Variants in LRP1B observed in about 807,000 individuals in gnomAD.
LRP1B encodes the protein LDL receptor related protein 1B.
In LRP1B, 217 loss-of-function variants were observed where a neutral mutation model predicts 556.6. The ratio of observed to expected loss-of-function variants is 0.39; its 90% CI spans 0.35 to 0.44. LRP1B has a LOEUF of 0.44. Ranked by LOEUF, LRP1B falls within the 20% of genes least tolerant of loss-of-function variation. LRP1B has a pLI of 1.00. For missense variants in LRP1B, 5,053 were observed against 5,620.8 expected, an observed-to-expected ratio of 0.90 and a Z score of 3.23; for synonymous variants, 2,047 against 1,865.8, an observed-to-expected ratio of 1.10 and a Z score of -2.50.
At chr2:141,037,320 T>C (rs1227105590) in intron 11 of LRP1B, among the ~76,000 whole-genome samples, 3 of 151,996 alleles carry the variant, frequency 2.0e-5, no homozygotes, top group Admixed American at 2.0e-4. Flanking sequence ...AAACTGACAA[T>C]AAATATGCTT....
chr2:141,082,681 G>GTC (rs1574055705), intron 7 of LRP1B, among the ~76,000 whole-genome samples: 1 of 152,302 alleles, frequency 6.6e-6, no homozygotes, highest in East Asian at 1.9e-4. Flanking sequence ...TCCATGATCA[G>GTC]GTGTGGCAGT....
chr2:140,298,994 A>G (rs1050839415), intron 83 of LRP1B, among the ~76,000 whole-genome samples: 1 of 152,242 alleles, frequency 6.6e-6, no homozygotes, highest in East Asian at 1.9e-4. Context: ...GACTCAGACA[A>G]TATCACTCAG....
At chr2:141,975,790 A>G (rs537384123) in intron 1 of LRP1B, among the ~76,000 whole-genome samples, 1 of 152,250 alleles carries the variant, frequency 6.6e-6, no homozygotes, top group African/African-American at 2.4e-5. Flanking sequence ...GCATTAAACA[A>G]TCTCTGAAGC....
intron 41 of LRP1B, among the ~76,000 whole-genome samples, chr2:140,613,393 A>C: frequency 7.7e-6 from 1 of 130,126 alleles, no homozygotes; most frequent in East Asian, 2.2e-4. Context: ...ATATACATAT[A>C]AATATAAATA....
chr2:142,127,146 T>TA (rs1419119104), intron 1 of LRP1B, among the ~76,000 whole-genome samples: 2 of 151,978 alleles, frequency 1.3e-5, no homozygotes, highest in African/African-American at 2.4e-5. Flanking sequence ...GCACAGTTAA[T>TA]ATTTAATTTT....
At chr2:141,636,091 G>T (rs908940687) in intron 2 of LRP1B, among the ~76,000 whole-genome samples, 11 of 152,002 alleles carry the variant, frequency 7.2e-5, no homozygotes, top group African/African-American at 2.2e-4. Flanking sequence ...ACTATTCTGG[G>T]TACTGGGGAC....
chr2:141,889,687 CATTA>C (rs977650869), intron 1 of LRP1B, among the ~76,000 whole-genome samples: 1 of 152,116 alleles, frequency 6.6e-6, no homozygotes, highest in African/African-American at 2.4e-5. Flanking sequence ...GTCCCATGAA[CATTA>C]ATTATTTGCC....
chr2:140,899,368 C>G (rs1694038831), intron 23 of LRP1B, among the ~76,000 whole-genome samples: 1 of 152,030 alleles, frequency 6.6e-6, no homozygotes, highest in Non-Finnish European at 1.5e-5. Context: ...CAAGGTTGGT[C>G]TTCAAAATCA....
intron 2 of LRP1B, among the ~76,000 whole-genome samples, chr2:141,494,576 T>G (rs1683449060): frequency 6.6e-6 from 1 of 151,686 alleles, no homozygotes; most frequent in African/African-American, 2.4e-5. Flanking sequence ...TAATAGCACC[T>G]TGATTTTCTT....
At chr2:142,065,892 T>A (rs1324672758) in intron 1 of LRP1B, among the ~76,000 whole-genome samples, 3 of 151,394 alleles carry the variant, frequency 2.0e-5, no homozygotes, top group Non-Finnish European at 4.4e-5. Flanking sequence ...TCTAAATTAG[T>A]ACAAGTGAGA....
chr2:140,707,175 T>C (rs1475779918), intron 37 of LRP1B, among the ~76,000 whole-genome samples: 1 of 152,266 alleles, frequency 6.6e-6, no homozygotes, highest in East Asian at 1.9e-4. Context: ...GTGCCATTTC[T>C]TCCTACTTTT....
At chr2:140,762,128 A>G (rs536782840) in intron 35 of LRP1B, among the ~76,000 whole-genome samples, 3 of 152,184 alleles carry the variant, frequency 2.0e-5, no homozygotes, top group East Asian at 3.9e-4. Flanking sequence ...GAGTCCTAAT[A>G]TGGCCTGTCT....
chr2:140,418,922 G>T (rs568979144), intron 66 of LRP1B, among the ~76,000 whole-genome samples: 44 of 146,572 alleles, frequency 3.0e-4, no homozygotes, highest in Non-Finnish European at 5.3e-4. Flanking sequence ...AGTGTGTAAG[G>T]AACCACCATT....
chr2:140,353,957 C>T (rs1682091733), intron 75 of LRP1B, among the ~76,000 whole-genome samples: 1 of 151,964 alleles, frequency 6.6e-6, no homozygotes, highest in Admixed American at 6.6e-5. Context: ...ATAAATACCT[C>T]TAAATCACTA....
At chr2:140,868,032 AC>A (rs1693006100) in intron 26 of LRP1B, 66 bp downstream of exon 26, 4 of 1,490,828 alleles carry the variant, frequency 2.7e-6, no homozygotes, top group South Asian at 2.8e-5. Flanking sequence ...ATGTTAGGAC[AC>A]TTTCCAATGT....
intron 7 of LRP1B, among the ~76,000 whole-genome samples, chr2:141,134,732 A>G (rs1028048159): frequency 9.9e-5 from 15 of 151,746 alleles, no homozygotes; most frequent in African/African-American, 3.6e-4. Context: ...TACCAAAAAA[A>G]AAAAATGAAA....
chr2:140,272,624 T>C (rs61406267), intron 85 of LRP1B, among the ~76,000 whole-genome samples: 49,931 of 151,830 alleles, frequency 0.33, 8,682 homozygotes, highest in African/African-American at 0.43. Context: ...ATTAACTTTA[T>C]TGCAATTTTG....
chr2:141,462,857 T>A (rs1344258092), intron 3 of LRP1B, among the ~76,000 whole-genome samples: 1 of 152,126 alleles, frequency 6.6e-6, no homozygotes, highest in Non-Finnish European at 1.5e-5. Flanking sequence ...TAATAAAATT[T>A]AAAATTTTAA....
chr2:141,986,215 C>T (rs926312680), intron 1 of LRP1B, among the ~76,000 whole-genome samples: 8 of 151,890 alleles, frequency 5.3e-5, no homozygotes, highest in African/African-American at 1.7e-4. Flanking sequence ...AATATACTTA[C>T]GTCACTGAAT....
Sources: allele counts gnomAD v4.1 joint callset (sites outside exome capture counted in the v4.1 genomes callset), GRCh38; gene constraint gnomAD v4.1.1; transcripts MANE v1.5; gene names NCBI Gene and HGNC (gene_info 2026-07-23, HGNC 2026-07-21).